The following AJAP1 variants were observed in gnomAD, a reference collection of about 807,000 sequenced individuals.
The protein encoded by AJAP1 is adherens junctions associated protein 1.
In AJAP1, 5 loss-of-function variants were observed where a neutral mutation model predicts 35.0. That is an observed-to-expected ratio of 0.14 (90% confidence interval 0.07 to 0.30). The LOEUF is 0.30. Ranked by LOEUF, AJAP1 falls within the 10% of genes least tolerant of loss-of-function variation. AJAP1 has a pLI of 1.00. For synonymous variants in AJAP1, 284 were observed against 249.3 expected (o/e 1.14, Z -1.31); for missense variants, 586 against 571.0 (o/e 1.03, Z -0.27).
chr1:4,744,593 A>G (rs933791054), intron 2 of AJAP1, among the ~76,000 whole-genome samples: 1 of 150,690 alleles, frequency 6.6e-6, no homozygotes, highest in African/African-American at 2.5e-5. Flanking sequence ...GAAGGGGCAC[A>G]CATGCACATG....
At chr1:4,774,733 T>A (rs1641909350) in intron 5 of AJAP1, among the ~76,000 whole-genome samples, 175 bp downstream of exon 5, 1 of 151,858 alleles carries the variant, frequency 6.6e-6, no homozygotes, top group African/African-American at 2.4e-5. Flanking sequence ...TTGACCTTGA[T>A]GTTGGATTTG....
At chr1:4,713,110 T>C (rs539427135) in intron 2 of AJAP1, among the ~76,000 whole-genome samples, 2 of 151,408 alleles carry the variant, frequency 1.3e-5, no homozygotes, top group African/African-American at 4.9e-5. Flanking sequence ...CAATTAAGGA[T>C]CCCCCCGCCC....
intron 2 of AJAP1, among the ~76,000 whole-genome samples, chr1:4,733,422 C>CCATTCATT (rs3835539): frequency 6.9e-4 from 100 of 145,272 alleles, no homozygotes; most frequent in South Asian, 4.0e-3. Context: ...ACCTGTTCAA[C>CCATTCATT]CATTCATTCA....
At chr1:4,685,117 C>G (rs1639576267) in intron 1 of AJAP1, among the ~76,000 whole-genome samples, 1 of 152,204 alleles carries the variant, frequency 6.6e-6, no homozygotes, top group African/African-American at 2.4e-5. Flanking sequence ...CGTCCAGCAT[C>G]TGTGTGACAG....
chr1:4,790,221 C>A lies in AJAP1; in HGVS notation c.*7736C>A, dbSNP rs745525001. 1.3e-5 allele frequency: 2 copies of A among 152,244 alleles called. No homozygotes were observed. Among genetic ancestry groups the A allele is most frequent in the South Asian group, 4.1e-4 (2 of 4,830 alleles). The allele number at this position is 152,244 out of a possible 1,614,324, so 9.4% of individuals were successfully genotyped here. A position where few individuals can be genotyped will look rare whatever the true frequency, so the allele number is the denominator to read the frequency against. On this transcript the variant is annotated 3_prime_UTR_variant, in exon 6 of 6. Coordinates refer to ENST00000378191, the MANE Select transcript of AJAP1 (RefSeq NM_018836.4). Reference sequence around the variant, plus strand: ...GCTGCTGCTCCCAGGGGAACCCTCTCCTGTTGCCTCCGCAGTCTATTCTGG... The same window carrying A: ...GCTGCTGCTCCCAGGGGAACCCTCTACTGTTGCCTCCGCAGTCTATTCTGG...
rs561024839 is a variant in AJAP1, at chr1:4,716,315, A to T, written c.829+3616A>T. 5.3e-5 allele frequency among the ~76,000 whole-genome samples: 8 copies of T among 152,352 alleles called. 1 individual carries two copies. In the South Asian group the frequency reaches 1.7e-3, roughly 32 times the overall value. On this transcript the variant is annotated intron_variant, in intron 2 of 5. Transcript: ENST00000378191. ...GTCTTCAAATTCCTGGCTTCAGCTC[A>T]TGATTGCTGTGTACATTTGGGCAAC...
intron 1 of AJAP1, among the ~76,000 whole-genome samples, chr1:4,701,723 A>C (rs946131392): frequency 5.3e-5 from 8 of 152,248 alleles, no homozygotes; most frequent in Non-Finnish European, 1.0e-4. Flanking sequence ...TTAGATGAGA[A>C]CTGGTGATGT....
chr1:4,666,197 G>A (rs953987218), intron 1 of AJAP1, among the ~76,000 whole-genome samples: 3 of 151,604 alleles, frequency 2.0e-5, no homozygotes, highest in African/African-American at 7.3e-5. Flanking sequence ...GGCTCCTCCG[G>A]CCCACCCAGG....
intron 1 of AJAP1, among the ~76,000 whole-genome samples, chr1:4,671,273 G>T (rs1570094251): frequency 6.6e-6 from 1 of 152,134 alleles, no homozygotes; most frequent in African/African-American, 2.4e-5. Context: ...GGAGGCTGAG[G>T]CAGGAGAATT....
rs1373100630 is a variant in AJAP1 at position 4,693,069 on chromosome 1, GT to G, written c.30-18828del. On this transcript the variant is annotated intron_variant, in intron 1 of 5. Coordinates refer to ENST00000378191, the MANE Select transcript of AJAP1 (RefSeq NM_018836.4). This position sits in a 1 kb window ranked among gnomAD's most constrained non-coding sequence, Gnocchi z 4.4. ...ATGCCCACCTCAGCTGTGCTTTACA[GT>G]TTCCTGGAAGCCACCCTTCCCTCAC... Among the ~76,000 whole-genome samples, 1 of 152,184 alleles carries G rather than the reference GT, an allele frequency of 6.6e-6. No homozygotes were observed. Among genetic ancestry groups the G allele is most frequent in the Non-Finnish European group, 1.5e-5 (1 of 68,032 alleles).
At chr1:4,703,014 C>G (rs1640022440) in intron 1 of AJAP1, among the ~76,000 whole-genome samples, 1 of 152,194 alleles carries the variant, frequency 6.6e-6, no homozygotes, top group African/African-American at 2.4e-5. Context: ...CTTTACGCTA[C>G]TGCTTCTCCG....
intron 5 of AJAP1, among the ~76,000 whole-genome samples, chr1:4,775,316 G>A (rs988071186): frequency 7.2e-5 from 11 of 152,276 alleles, no homozygotes; most frequent in South Asian, 4.1e-4. Context: ...CCATGGGTGT[G>A]ACCTGAGGTT....
chr1:4,719,957 AT>A (rs890115640), intron 2 of AJAP1, among the ~76,000 whole-genome samples: 2 of 152,096 alleles, frequency 1.3e-5, no homozygotes, highest in Non-Finnish European at 2.9e-5. Flanking sequence ...TTAAGCTTCC[AT>A]TTTGTGATGA....
rs547281445 is a variant in AJAP1 at position 4,723,553 on chromosome 1, C to T, written c.829+10854C>T. 4.1e-4 allele frequency among the ~76,000 whole-genome samples: 63 copies of T among 152,052 alleles called. 1 individual carries two copies. The highest frequency in any genetic ancestry group is 1.4e-3 in the African/African-American group (58 of 41,482). On this transcript the variant is annotated intron_variant, in intron 2 of 5. Coordinates refer to ENST00000378191, the MANE Select transcript of AJAP1 (RefSeq NM_018836.4). The surrounding 1 kb of genome is among the most constrained non-coding windows in gnomAD (Gnocchi z 4.3). ...CCAGAGCATGGAGGGGTCCTCGTGG[C>T]GGAGCTCCCAGAGACATGAAAGAGG... is the stretch of plus-strand genomic sequence containing the variant.
rs1477270805 is a variant in AJAP1 at position 4,734,815 on chromosome 1, T to G, written c.829+22116T>G. Among the ~76,000 whole-genome samples the G allele has an allele frequency of 6.6e-6, 1 of 151,882 alleles. No homozygotes were observed. The highest frequency in any genetic ancestry group is 1.5e-5 in the Non-Finnish European group (1 of 67,964). On this transcript the variant is annotated intron_variant, in intron 2 of 5. Transcript: ENST00000378191. This position sits in a 1 kb window ranked among gnomAD's most constrained non-coding sequence, Gnocchi z 4.3. ...GCTCTCACCTTCCCCCGGACAAGGT[T>G]TCTAAGGCCCGGGAAGCATCTTCTG...
At position 4,790,684 on chromosome 1, in the gene AJAP1, T is replaced by C. The variant is rs569280776; in HGVS notation, c.*8199T>C. On this transcript the variant is annotated 3_prime_UTR_variant, in exon 6 of 6. Transcript: ENST00000378191. ...GCAAAGTTAGTTATCAGTCAACTGATGATAACTGTGATCCTTAAAGATGAA... is the reference window on the plus strand; with the variant it reads ...GCAAAGTTAGTTATCAGTCAACTGACGATAACTGTGATCCTTAAAGATGAA... The C allele has an allele frequency of 1.3e-5, 2 of 152,212 alleles. No homozygotes were observed. The highest frequency in any genetic ancestry group is 2.9e-5 in the Non-Finnish European group (2 of 68,048). 9.4% of individuals were successfully genotyped at this position (152,212 alleles called of 1,614,324 possible). A position where few individuals can be genotyped will look rare whatever the true frequency, so the allele number is the denominator to read the frequency against.
At position 4,681,205 on chromosome 1, in the gene AJAP1, G is replaced by A. The variant is rs531079777; in HGVS notation, c.29+25751G>A. Among the ~76,000 whole-genome samples the A allele has an allele frequency of 1.1e-4, 17 of 152,296 alleles. No individual in the cohort carries two copies. In the Middle Eastern group the frequency reaches 0.01, roughly 91 times the overall value. On this transcript the variant is annotated intron_variant, in intron 1 of 5. Coordinates refer to ENST00000378191, the MANE Select transcript of AJAP1 (RefSeq NM_018836.4). ...TGATGAAATGCCCCACTGTTAACCCGCAGCCCGCTAAATGCCCGCAGTGTT... is the reference window on the plus strand; with the variant it reads ...TGATGAAATGCCCCACTGTTAACCCACAGCCCGCTAAATGCCCGCAGTGTT...
intron 1 of AJAP1, among the ~76,000 whole-genome samples, chr1:4,706,538 G>C (rs1640104423): frequency 6.6e-6 from 1 of 152,140 alleles, no homozygotes; most frequent in African/African-American, 2.4e-5. Context: ...GGGGTGGATT[G>C]GCCACAGGCA....
intron 1 of AJAP1, among the ~76,000 whole-genome samples, chr1:4,698,142 G>A (rs1392312826): frequency 1.3e-5 from 2 of 152,168 alleles, no homozygotes; most frequent in African/African-American, 4.8e-5. Flanking sequence ...TGATTTACAC[G>A]GATGATCTCA....
Sources: gnomAD v4.1 joint callset for allele counts (sites outside exome capture counted in the v4.1 genomes callset) on GRCh38, gnomAD v4.1.1 for gene constraint, Gnocchi (gnomAD v3.1) non-coding constraint, MANE v1.5 for transcripts, NCBI Gene and HGNC (gene_info 2026-07-23, HGNC 2026-07-21) for gene names.